The following ANXA8 variants were observed in gnomAD, a reference collection of about 807,000 sequenced individuals.
ANXA8 encodes VAC-beta.
A neutral mutation model predicts 26.8 loss-of-function variants in ANXA8; 9 were observed. That is an observed-to-expected ratio of 0.34 (90% CI 0.20 to 0.59). ANXA8 has a LOEUF of 0.59. Among genes scored for constraint, ANXA8 ranks in the 20% least tolerant of loss-of-function variants. The pLI is 0.84. For synonymous variants in ANXA8, 39 were observed against 94.8 expected (o/e 0.41, Z 3.42); for missense variants, 83 against 238.5 (o/e 0.35, Z 4.29).
chr10:47,486,870 G>A (rs1452691305), upstream of ANXA8, among the ~76,000 whole-genome samples: 1 of 146,724 alleles, frequency 6.8e-6, no homozygotes, highest in Non-Finnish European at 1.5e-5. Flanking sequence ...CTACTTGGGA[G>A]GCTGAGGCAG....
At chr10:47,975,454 G>A in the ANXA8 span, among the ~76,000 whole-genome samples, 6 of 148,116 alleles carry the variant, frequency 4.1e-5, no homozygotes, top group East Asian at 2.2e-4. Context: ...GGTGAGCCAC[G>A]AAGTGCTGCC....
chr10:47,590,517 G>C, the ANXA8 span, among the ~76,000 whole-genome samples: 1 of 146,472 alleles, frequency 6.8e-6, no homozygotes, highest in Non-Finnish European at 1.5e-5. Flanking sequence ...TAGGAGCACA[G>C]GTTTTGGTTT....
chr10:47,986,077 A>G, the ANXA8 span: 1 of 151,126 alleles, frequency 6.6e-6, no homozygotes, highest in Non-Finnish European at 1.5e-5. Flanking sequence ...TTTGTTAGAT[A>G]TGAGTTTTCA....
chr10:47,671,797 T>C, the ANXA8 span, among the ~76,000 whole-genome samples: 125 of 152,042 alleles, frequency 8.2e-4, no homozygotes, highest in African/African-American at 2.8e-3. Flanking sequence ...TTGCCATTGA[T>C]GTCTAGACAG....
At chr10:47,571,402 A>G in the ANXA8 span, among the ~76,000 whole-genome samples, 1 of 147,820 alleles carries the variant, frequency 6.8e-6, no homozygotes, top group African/African-American at 2.6e-5. Flanking sequence ...GAGGCAGGCA[A>G]AGGGAGTTTT....
the ANXA8 span, among the ~76,000 whole-genome samples, chr10:47,743,317 T>TATATATACATATATATATAA: frequency 2.4e-5 from 1 of 40,892 alleles, no homozygotes; most frequent in African/African-American, 8.4e-5. Flanking sequence ...TATATACACA[T>TATATATACATATATATATAA]ATATATATAT....
the ANXA8 span, chr10:47,986,875 C>T: frequency 4.4e-6 from 2 of 452,650 alleles, no homozygotes; most frequent in East Asian, 6.8e-5. Context: ...ACGGCGCTGC[C>T]TCCTGACTGC....
the ANXA8 span, among the ~76,000 whole-genome samples, chr10:47,619,389 C>A: frequency 8.9e-6 from 1 of 112,682 alleles, no homozygotes; most frequent in Non-Finnish European, 1.9e-5. Flanking sequence ...TCTTCTGACC[C>A]TCTGGCCAGT....
At chr10:47,591,217 G>A in the ANXA8 span, among the ~76,000 whole-genome samples, 2 of 145,634 alleles carry the variant, frequency 1.4e-5, 1 homozygote, top group East Asian at 3.9e-4. Context: ...TAGCACAGGC[G>A]GGTCACTTCA....
the ANXA8 span, among the ~76,000 whole-genome samples, chr10:47,686,364 G>A: frequency 1.3e-5 from 2 of 151,264 alleles, no homozygotes; most frequent in South Asian, 2.1e-4. Context: ...GATTACAGGT[G>A]CGTGCCACCA....
the ANXA8 span, chr10:47,501,764 A>G: frequency 8.5e-5 from 35 of 410,886 alleles, no homozygotes; most frequent in Non-Finnish European, 1.4e-4. Flanking sequence ...ACAAAAATCA[A>G]TGCACATTTA....
chr10:47,657,670 C>G, the ANXA8 span, among the ~76,000 whole-genome samples: 4 of 150,070 alleles, frequency 2.7e-5, no homozygotes, highest in African/African-American at 1.0e-4. Flanking sequence ...AGTCTCAATC[C>G]TATACCATGA....
the ANXA8 span, among the ~76,000 whole-genome samples, chr10:47,515,974 C>T: frequency 1.5e-5 from 2 of 131,058 alleles, 1 homozygote; most frequent in Non-Finnish European, 3.2e-5. Flanking sequence ...ATTGATAGGA[C>T]CAGTCAAAAT....
the ANXA8 span, among the ~76,000 whole-genome samples, chr10:47,540,376 T>C: frequency 9.0e-6 from 1 of 110,902 alleles, no homozygotes; most frequent in Non-Finnish European, 1.8e-5. Context: ...AACTGAGGCA[T>C]GGTTCCCTAA....
At chr10:47,666,134 A>G in the ANXA8 span, among the ~76,000 whole-genome samples, 1 of 148,052 alleles carries the variant, frequency 6.8e-6, no homozygotes, top group Admixed American at 6.7e-5. Flanking sequence ...TGTTTTTCCT[A>G]TTTCTCTTGG....
At chr10:47,961,175 GC>G in the ANXA8 span, among the ~76,000 whole-genome samples, 4 of 147,754 alleles carry the variant, frequency 2.7e-5, no homozygotes, top group African/African-American at 1.0e-4. Flanking sequence ...AAATGTGTGG[GC>G]CTTGAGGGTG....
At chr10:47,736,911 T>C in the ANXA8 span, among the ~76,000 whole-genome samples, 1 of 151,674 alleles carries the variant, frequency 6.6e-6, no homozygotes, top group East Asian at 1.9e-4. Context: ...TGCCTCAGCC[T>C]CCCAAAGTAC....
chr10:47,942,471 G>A, the ANXA8 span, among the ~76,000 whole-genome samples: 3 of 140,906 alleles, frequency 2.1e-5, no homozygotes, highest in Non-Finnish European at 3.0e-5. Context: ...ATTCTGTCTG[G>A]TGACACTTAG....
At chr10:47,983,239 C>T in the ANXA8 span, among the ~76,000 whole-genome samples, 1 of 61,758 alleles carries the variant, frequency 1.6e-5, no homozygotes, top group African/African-American at 5.4e-5. Context: ...CTCCTAGATA[C>T]ATACCCAAGA....
Sources: gnomAD v4.1 joint callset for allele counts (sites outside exome capture counted in the v4.1 genomes callset) on GRCh38, gnomAD v4.1.1 for gene constraint, MANE v1.5 for transcripts, NCBI Gene and HGNC (gene_info 2026-07-23, HGNC 2026-07-21) for gene names.